BCKDHB: variants seen among roughly 807,000 people sequenced by gnomAD.
BCKDHB encodes the protein branched chain keto acid dehydrogenase E1 subunit beta, also known as 2-oxoisovalerate dehydrogenase subunit beta, mitochondrial.
In BCKDHB, 41 loss-of-function variants were observed where a neutral mutation model predicts 48.5. The observed-to-expected ratio is 0.85, with a 90% confidence interval of 0.66 to 1.10. BCKDHB has a LOEUF of 1.10. BCKDHB is among the 50% of genes least tolerant of loss of function. The probability of loss-of-function intolerance (pLI) is 0.00; values close to 1 mark genes in which losing one functional copy is unlikely to be tolerated. For missense variants in BCKDHB, 496 were observed against 494.2 expected (o/e 1.00, Z -0.03); for synonymous variants, 201 against 174.8 (o/e 1.15, Z -1.18).
At position 80,344,266 on chromosome 6, in the gene BCKDHB, AAG is replaced by A; in HGVS notation, c.*463_*464del. The A allele has an allele frequency of 7.5e-5, 17 of 228,184 alleles. No homozygotes were observed. The highest frequency in any genetic ancestry group is 2.1e-4 in the Admixed American group (4 of 19,240). 14.1% of individuals were successfully genotyped at this position (228,184 alleles called of 1,614,324 possible). On this transcript the variant is annotated 3_prime_UTR_variant, in exon 10 of 10. Coordinates refer to ENST00000320393, the MANE Select transcript of BCKDHB (RefSeq NM_183050.4). ...GTGATCCACCTGCCTTAGCCTCCCA[AAG>A]TGCTGGGATTACAGGCATGAGCCAC...
At chr6:80,353,761 G>T in the BCKDHB span, among the ~76,000 whole-genome samples, 2 of 152,124 alleles carry the variant, frequency 1.3e-5, no homozygotes, top group Admixed American at 1.3e-4. Flanking sequence ...GCTGAGGCAG[G>T]AGAATCACTT....
the BCKDHB span, among the ~76,000 whole-genome samples, chr6:80,426,291 T>A: frequency 1.3e-5 from 2 of 152,006 alleles, no homozygotes; most frequent in African/African-American, 2.4e-5. Flanking sequence ...TTCTAAAAAC[T>A]GGGACTTAGC....
chr6:80,416,545 T>A, the BCKDHB span, among the ~76,000 whole-genome samples: 18 of 152,008 alleles, frequency 1.2e-4, no homozygotes, highest in Admixed American at 1.2e-3. Context: ...TATCCAAAAG[T>A]CATTCCGGAG....
intron 1 of BCKDHB, among the ~76,000 whole-genome samples, chr6:80,108,599 C>T (rs565006744): frequency 3.3e-5 from 5 of 150,832 alleles, no homozygotes; most frequent in South Asian, 4.2e-4. Context: ...CAGTGGCTCA[C>T]GTCTGTAATC....
intron 8 of BCKDHB, among the ~76,000 whole-genome samples, chr6:80,214,900 A>G (rs1349139565): frequency 6.6e-6 from 1 of 152,194 alleles, no homozygotes; most frequent in Middle Eastern, 3.2e-3. Context: ...AGGTAAAATT[A>G]TATGTCTTCT....
At chr6:80,257,458 A>G (rs1346630285) in intron 8 of BCKDHB, among the ~76,000 whole-genome samples, 3 of 149,812 alleles carry the variant, frequency 2.0e-5, no homozygotes, top group Non-Finnish European at 3.0e-5. Context: ...ATATGAATAT[A>G]TATTCTAATA....
intron 9 of BCKDHB, among the ~76,000 whole-genome samples, chr6:80,311,442 A>T (rs79031811): frequency 0.012 from 1,824 of 152,202 alleles, 30 homozygotes; most frequent in African/African-American, 0.042. Flanking sequence ...GCTCTTAATT[A>T]GATTCATTTG....
chr6:80,321,882 GA>G (rs1768745325), intron 9 of BCKDHB, among the ~76,000 whole-genome samples: 1 of 152,058 alleles, frequency 6.6e-6, no homozygotes, highest in Non-Finnish European at 1.5e-5. Context: ...ATACCATCAT[GA>G]AATCAAATGT....
chr6:80,434,624 C>G, the BCKDHB span, among the ~76,000 whole-genome samples: 1 of 151,966 alleles, frequency 6.6e-6, no homozygotes, highest in Non-Finnish European at 1.5e-5. Flanking sequence ...TTACTTGAAA[C>G]CAGTTTAATC....
intron 1 of BCKDHB, among the ~76,000 whole-genome samples, chr6:80,115,980 T>C (rs1369043206): frequency 1.3e-5 from 2 of 152,214 alleles, no homozygotes; most frequent in Non-Finnish European, 2.9e-5. Flanking sequence ...GGAAAGCCAG[T>C]GCCGAACGTA....
intron 8 of BCKDHB, among the ~76,000 whole-genome samples, chr6:80,268,586 A>C (rs981253070): frequency 6.6e-6 from 1 of 152,110 alleles, no homozygotes; most frequent in African/African-American, 2.4e-5. Context: ...GTAAGAAAAC[A>C]ATCTTGCTAT....
the BCKDHB span, among the ~76,000 whole-genome samples, chr6:80,408,112 C>T: frequency 6.6e-6 from 1 of 152,052 alleles, no homozygotes; most frequent in African/African-American, 2.4e-5. Context: ...TTGAGATAAT[C>T]ATGTGGTTTT....
chr6:80,361,958 T>C, the BCKDHB span, among the ~76,000 whole-genome samples: 1 of 152,244 alleles, frequency 6.6e-6, no homozygotes, highest in Admixed American at 6.5e-5. Context: ...GAAAGAGTGG[T>C]CCTGGGAGTT....
At chr6:80,181,643 C>T (rs1283711055) in intron 6 of BCKDHB, among the ~76,000 whole-genome samples, 1 of 152,134 alleles carries the variant, frequency 6.6e-6, no homozygotes, top group Non-Finnish European at 1.5e-5. Context: ...CCTTTATCAC[C>T]CTGCGGGCTG....
At chr6:80,183,605 CA>C (rs1219901539) in intron 6 of BCKDHB, among the ~76,000 whole-genome samples, 1 of 152,144 alleles carries the variant, frequency 6.6e-6, no homozygotes, top group Admixed American at 6.5e-5. Context: ...ACATTGTCAT[CA>C]CTCAAAGTCC....
intron 8 of BCKDHB, among the ~76,000 whole-genome samples, chr6:80,222,809 G>A (rs550596739): frequency 1.3e-5 from 2 of 152,316 alleles, no homozygotes; most frequent in East Asian, 3.9e-4. Flanking sequence ...AGCTTGAGGT[G>A]CTACCATAAA....
At chr6:80,280,840 A>G (rs1309278165) in intron 9 of BCKDHB, among the ~76,000 whole-genome samples, 2 of 152,098 alleles carry the variant, frequency 1.3e-5, no homozygotes, top group African/African-American at 4.8e-5. Flanking sequence ...AATTTTTCAG[A>G]TAGTAGGAGA....
At chr6:80,111,770 A>G (rs181522010) in intron 1 of BCKDHB, among the ~76,000 whole-genome samples, 1 of 152,364 alleles carries the variant, frequency 6.6e-6, no homozygotes, top group African/African-American at 2.4e-5. Flanking sequence ...AGTAAAACCC[A>G]AAGGAGAACA....
chr6:80,256,962 CTAG>C (rs527371450), intron 8 of BCKDHB, among the ~76,000 whole-genome samples: 6 of 152,096 alleles, frequency 3.9e-5, no homozygotes, highest in Non-Finnish European at 8.8e-5. Context: ...ACTCTAAAAT[CTAG>C]TAGTTTCCTG....
Sources: allele counts gnomAD v4.1 joint callset (sites outside exome capture counted in the v4.1 genomes callset), GRCh38; gene constraint gnomAD v4.1.1; transcripts MANE v1.5; gene names NCBI Gene and HGNC (gene_info 2026-07-23, HGNC 2026-07-21).